Variants in KLC1 observed in about 807,000 individuals in gnomAD.
The protein encoded by KLC1 is kinesin light chain 1.
Under a neutral mutation model 84.2 loss-of-function variants are expected in KLC1, and 30 were observed. The observed-to-expected ratio is 0.36, with a 90% confidence interval of 0.27 to 0.48. KLC1 has a LOEUF of 0.48. Among genes scored for constraint, KLC1 ranks in the 20% least tolerant of loss-of-function variants. The pLI, the probability that KLC1 is intolerant of heterozygous loss-of-function variation, is 0.99. For synonymous variants in KLC1, 289 were observed against 293.3 expected, an observed-to-expected ratio of 0.99 and a Z score of 0.15; for missense variants, 499 against 805.4, an observed-to-expected ratio of 0.62 and a Z score of 4.60.
chr14:103,646,448 A>G (rs913026056), intron 1 of KLC1, among the ~76,000 whole-genome samples: 5 of 152,080 alleles, frequency 3.3e-5, no homozygotes, highest in African/African-American at 7.2e-5. Flanking sequence ...GTACAGGCAC[A>G]TACTACCATG....
chr14:103,661,501 C>T (rs923006961), intron 3 of KLC1, among the ~76,000 whole-genome samples: 1 of 152,182 alleles, frequency 6.6e-6, no homozygotes, highest in Non-Finnish European at 1.5e-5. Context: ...CACATTTTCC[C>T]TTCCGGAGCC....
intron 7 of KLC1, among the ~76,000 whole-genome samples, chr14:103,671,231 A>G (rs900739154): frequency 2.0e-5 from 3 of 152,218 alleles, no homozygotes; most frequent in African/African-American, 7.2e-5. Flanking sequence ...ATATATATTT[A>G]ATACCAGCTG....
At chr14:103,633,787 C>G (rs1298867415) in intron 1 of KLC1, among the ~76,000 whole-genome samples, 2 of 152,156 alleles carry the variant, frequency 1.3e-5, no homozygotes, top group Non-Finnish European at 2.9e-5. Context: ...TTCTTCACTT[C>G]CCCACATACT....
In KLC1 at chr14:103,685,189, C is replaced by CCA. The variant is rs1409808733; in HGVS notation, c.1651-1892_1651-1891insCA. 9 of 1,436,620 alleles carry CCA rather than the reference C, an allele frequency of 6.3e-6. No individual in the cohort carries two copies. The African/African-American group carries it at 1.2e-4, about 18-fold the overall frequency. The allele number at this position is 1,436,620 out of a possible 1,614,324, so 89.0% of individuals were successfully genotyped here. A position where few individuals can be genotyped will look rare whatever the true frequency, so the allele number is the denominator to read the frequency against. On this transcript the variant is annotated intron_variant, in intron 13 of 16. Transcript: ENST00000334553. ...CTGCATGTTTAAAATGGGCTGTAGACTTTTAAAGTCCGTGGTTTCCTAAAG... is the reference window on the plus strand; with the variant it reads ...CTGCATGTTTAAAATGGGCTGTAGACCATTTTAAAGTCCGTGGTTTCCTAAAG...
rs1422863579 is a variant in KLC1 at position 103,700,547 on chromosome 14, T to G, written c.1849-108T>G. ...TGCTAAGGGGCCCCTAGGCTGTCCC[T>G]CAAGTCCAAGGTCTGCAGCCACACG... On this transcript the variant is annotated intron_variant, in intron 15 of 16. Transcript: ENST00000334553. 4 of 902,452 alleles carry G rather than the reference T, an allele frequency of 4.4e-6. No individual in the cohort carries two copies. The East Asian group carries it at 8.0e-5, about 18-fold the overall frequency. 55.9% of individuals were successfully genotyped at this position (902,452 alleles called of 1,614,324 possible). A position where few individuals can be genotyped will look rare whatever the true frequency, so the allele number is the denominator to read the frequency against.
At chr14:103,666,773 CTTTCT>C (rs1417607422) in intron 5 of KLC1, among the ~76,000 whole-genome samples, 4 of 104,698 alleles carry the variant, frequency 3.8e-5, no homozygotes, top group Non-Finnish European at 8.0e-5. Flanking sequence ...CATTTTTTTT[CTTTCT>C]TTTTTTTTTT....
rs180843865 is a variant in KLC1, at chr14:103,695,360, T to C, written c.1848+2935T>C. 6.9e-3 allele frequency: 3,526 copies of C among 508,702 alleles called. 109 individuals are homozygous for C. In the African/African-American group the frequency reaches 0.072, roughly 10 times the overall value. The allele number at this position is 508,702 out of a possible 1,614,324, so 31.5% of individuals were successfully genotyped here. On this transcript the variant is annotated intron_variant, in intron 15 of 16. Transcript: ENST00000334553. The stretch of plus-strand genomic sequence containing the variant: ...GTGTGTATATATATATATATATATA[T>C]ACATACATATATATACATATATAAT...
rs3212133 is a variant in KLC1 at position 103,696,910 on chromosome 14, G to T, written c.1849-3745G>T. The T allele has an allele frequency of 4.5e-3, 4,406 of 985,344 alleles. 128 individuals are homozygous for T. The African/African-American group carries it at 0.063, about 14-fold the overall frequency. The allele number at this position is 985,344 out of a possible 1,614,324, so 61.0% of individuals were successfully genotyped here. A position where few individuals can be genotyped will look rare whatever the true frequency, so the allele number is the denominator to read the frequency against. ...CTGGGACTGACTGCCAGGCCAGCCC[G>T]TCTGCAGACTCCTGTGGTGGGAGTT... On this transcript the variant is annotated intron_variant, in intron 15 of 16. Coordinates refer to ENST00000334553, the MANE Select transcript of KLC1 (RefSeq NM_001394837.1).
chr14:103,662,217 A>G (rs1423140334), intron 4 of KLC1, 23 bp downstream of exon 4: 6 of 1,574,376 alleles, frequency 3.8e-6, no homozygotes, highest in Non-Finnish European at 1.7e-6. Context: ...TGATGCAGGC[A>G]TGTTACCGAG....
At chr14:103,655,190 G>A (rs1445540091) in intron 2 of KLC1, among the ~76,000 whole-genome samples, 1 of 152,082 alleles carries the variant, frequency 6.6e-6, no homozygotes, top group Admixed American at 6.5e-5. Flanking sequence ...TTGCATCACT[G>A]CACTCCAGCC....
intron 1 of KLC1, among the ~76,000 whole-genome samples, chr14:103,644,561 A>G (rs1170143237): frequency 6.6e-6 from 1 of 151,944 alleles, no homozygotes; most frequent in Admixed American, 6.6e-5. Context: ...CCCGGCCTGC[A>G]TGACCTGTTT....
At chr14:103,640,960 C>T (rs2077443184) in intron 1 of KLC1, among the ~76,000 whole-genome samples, 1 of 151,570 alleles carries the variant, frequency 6.6e-6, no homozygotes, top group Non-Finnish European at 1.5e-5. Flanking sequence ...CAAAGTTTTG[C>T]TAGGTCACCC....
At chr14:103,649,796 C>T (rs1245256344) in intron 1 of KLC1, among the ~76,000 whole-genome samples, 2 of 151,648 alleles carry the variant, frequency 1.3e-5, no homozygotes, top group South Asian at 2.1e-4. Flanking sequence ...CCCGGGTTCA[C>T]GCCATTCTCC....
At chr14:103,689,269 TC>T (rs1299213198) in intron 14 of KLC1, among the ~76,000 whole-genome samples, 1 of 152,192 alleles carries the variant, frequency 6.6e-6, no homozygotes, top group African/African-American at 2.4e-5. Flanking sequence ...TGGACCACAC[TC>T]CCACATGACA....
Position 103,696,123 on chromosome 14 carries a change from C to T in KLC1, c.1848+3698C>T, listed in dbSNP as rs987792594. 1.0e-5 allele frequency: 10 copies of T among 962,400 alleles called. No homozygotes were observed. The African/African-American group carries it at 1.1e-4, about 11-fold the overall frequency. The allele number at this position is 962,400 out of a possible 1,614,324, so 59.6% of individuals were successfully genotyped here. A position where few individuals can be genotyped will look rare whatever the true frequency, so the allele number is the denominator to read the frequency against. On this transcript the variant is annotated intron_variant, in intron 15 of 16. Coordinates refer to ENST00000334553, the MANE Select transcript of KLC1 (RefSeq NM_001394837.1). ...GCCCCCCGCCCCCCCCCACAGCAGC[C>T]GTGTGTGCAGCGCCCGTCCCCAGCA...
rs763896475 is a variant in KLC1, at chr14:103,654,765, G to A, written c.201G>A (p.Glu67=). The A allele has an allele frequency of 6.2e-7, 1 of 1,614,220 alleles. No individual in the cohort carries two copies. Among genetic ancestry groups the A allele is most frequent in the Non-Finnish European group, 8.5e-7 (1 of 1,180,038 alleles). The part of the protein sequence containing the change: ...KKDDESNLVE[E]KSNMIRKSLE... ...ATGATGAAAGTAATTTGGTGGAGGAGAAATCAAACATGATCCGGAAGTCAC... is the reference window on the plus strand; with the variant it reads ...ATGATGAAAGTAATTTGGTGGAGGAAAAATCAAACATGATCCGGAAGTCAC... The change falls in exon 2 of 17, where the codon GAG becomes GAA. Residue 67 remains glutamate, a synonymous_variant. Coordinates refer to ENST00000334553, the MANE Select transcript of KLC1 (RefSeq NM_001394837.1).
intron 1 of KLC1, among the ~76,000 whole-genome samples, chr14:103,632,614 A>G (rs1189482241): frequency 6.6e-6 from 1 of 152,086 alleles, no homozygotes; most frequent in Non-Finnish European, 1.5e-5. Context: ...GCAGCTACTC[A>G]GAAGGCTGAG....
intron 1 of KLC1, among the ~76,000 whole-genome samples, chr14:103,647,539 TTTG>T (rs2078041616): frequency 6.6e-6 from 1 of 151,986 alleles, no homozygotes; most frequent in Non-Finnish European, 1.5e-5. Context: ...CAGAAACTTT[TTTG>T]TTATTGTTTC....
intron 1 of KLC1, among the ~76,000 whole-genome samples, chr14:103,647,810 A>G (rs2078062943): frequency 6.8e-6 from 1 of 147,380 alleles, no homozygotes; most frequent in African/African-American, 2.5e-5. Context: ...TGGGAGGTGG[A>G]GGTTGCATTG....
Sources: allele counts gnomAD v4.1 joint callset (sites outside exome capture counted in the v4.1 genomes callset), GRCh38; gene constraint gnomAD v4.1.1; transcripts MANE v1.5; gene names NCBI Gene and HGNC (gene_info 2026-07-23, HGNC 2026-07-21).